The following LMLN variants were observed in gnomAD, a reference collection of about 807,000 sequenced individuals.
The protein encoded by LMLN is leishmanolysin-like peptidase.
In LMLN, 70 loss-of-function variants were observed where a neutral mutation model predicts 92.3. The ratio of observed to expected loss-of-function variants is 0.76; its 90% CI spans 0.63 to 0.92. The LOEUF (loss-of-function observed/expected upper bound fraction) is 0.92, where lower values mean the gene tolerates loss of function less well. LMLN is among the 40% of genes least tolerant of loss of function. LMLN has a pLI of 0.00. For missense variants in LMLN, 691 were observed against 814.6 expected, an observed-to-expected ratio of 0.85 and a Z score of 1.85; for synonymous variants, 308 against 296.2, an observed-to-expected ratio of 1.04 and a Z score of -0.41.
At chr3:197,986,151 G>A (rs1379244828) in intron 8 of LMLN, among the ~76,000 whole-genome samples, 5 of 152,146 alleles carry the variant, frequency 3.3e-5, no homozygotes, top group Non-Finnish European at 7.4e-5. Flanking sequence ...CTTGCATTGA[G>A]GATATTCCTC....
At chr3:197,989,298 T>C (rs1721801180) in intron 8 of LMLN, among the ~76,000 whole-genome samples, 1 of 152,222 alleles carries the variant, frequency 6.6e-6, no homozygotes. Flanking sequence ...TTTCCAAAGT[T>C]TAAGAAGTTG....
At chr3:198,029,217 T>C (rs768320637) in intron 14 of LMLN, among the ~76,000 whole-genome samples, 3 of 152,260 alleles carry the variant, frequency 2.0e-5, no homozygotes, top group Non-Finnish European at 4.4e-5. Context: ...TATTTTATTT[T>C]AGGTTTACCT....
intron 14 of LMLN, among the ~76,000 whole-genome samples, chr3:198,034,571 A>G (rs1254519174): frequency 6.6e-6 from 1 of 152,204 alleles, no homozygotes. Flanking sequence ...AGATCATGCC[A>G]CTGCACTCCA....
intron 11 of LMLN, among the ~76,000 whole-genome samples, chr3:198,008,928 G>C (rs1358700212): frequency 6.6e-6 from 1 of 152,000 alleles, no homozygotes; most frequent in Non-Finnish European, 1.5e-5. Flanking sequence ...TTAATTTCCA[G>C]CTATTTTGAG....
chr3:197,971,588 G>GT (rs1300991019), intron 1 of LMLN, among the ~76,000 whole-genome samples: 1 of 152,078 alleles, frequency 6.6e-6, no homozygotes, highest in African/African-American at 2.4e-5. Context: ...CCTGGTTGTT[G>GT]TTTGTTTGTT....
chr3:197,960,508 A>T (rs1357296376), intron 1 of LMLN, 68 bp downstream of exon 1: 2 of 1,442,422 alleles, frequency 1.4e-6, no homozygotes, highest in African/African-American at 2.8e-5. Flanking sequence ...GGCGTAGGAG[A>T]TAGTGACTGG....
chr3:198,001,538 C>T (rs1160948709), intron 11 of LMLN, among the ~76,000 whole-genome samples: 1 of 152,156 alleles, frequency 6.6e-6, no homozygotes, highest in East Asian at 1.9e-4. Flanking sequence ...TGCTAGTGCA[C>T]AACATTAGGG....
intron 11 of LMLN, 52 bp downstream of exon 12, chr3:198,003,177 T>G (rs1392309937): frequency 9.4e-7 from 1 of 1,064,056 alleles, no homozygotes; most frequent in East Asian, 2.6e-5. Flanking sequence ...CCTTTCTGAC[T>G]TTATTCTTTA....
At chr3:197,999,141 T>G (rs138775434) in intron 10 of LMLN, 125 bp from the exon 11 acceptor site, 56 of 697,830 alleles carry the variant, frequency 8.0e-5, no homozygotes, top group African/African-American at 7.2e-4. Context: ...TTCACCACTT[T>G]TAAGTGAATG....
At chr3:198,038,521 T>C (rs772159030) in intron 15 of LMLN, 46 bp from the exon 17 acceptor site, 1 of 1,321,840 alleles carries the variant, frequency 7.6e-7, no homozygotes, top group Admixed American at 1.7e-5. Context: ...GTATGATTTA[T>C]CCCAAAATTG....
At chr3:197,977,192 C>A (rs116159396) in intron 5 of LMLN, among the ~76,000 whole-genome samples, 1,833 of 152,182 alleles carry the variant, frequency 0.012, 15 homozygotes, top group Non-Finnish European at 0.017. Flanking sequence ...GGTATAACCA[C>A]GTAGTAGAAT....
At chr3:197,963,201 CTTT>C (rs59827521) in intron 1 of LMLN, among the ~76,000 whole-genome samples, 2 of 144,088 alleles carry the variant, frequency 1.4e-5, no homozygotes, top group Non-Finnish European at 3.0e-5. Context: ...TTTTCTCTCT[CTTT>C]TTTTTTTTTG....
At chr3:197,971,405 G>C (rs1721221208) in intron 1 of LMLN, among the ~76,000 whole-genome samples, 1 of 152,126 alleles carries the variant, frequency 6.6e-6, no homozygotes, top group Non-Finnish European at 1.5e-5. Flanking sequence ...GAACAGCATG[G>C]GGAAACACCC....
chr3:197,982,661 T>C (rs1721593445), intron 6 of LMLN, among the ~76,000 whole-genome samples: 3 of 152,370 alleles, frequency 2.0e-5, no homozygotes, highest in African/African-American at 4.8e-5. Context: ...ATGGAACTTA[T>C]GAATTGCAGA....
chr3:198,036,237 G>A (rs926064518), intron 15 of LMLN, among the ~76,000 whole-genome samples, 194 bp downstream of exon 16: 3 of 152,196 alleles, frequency 2.0e-5, no homozygotes, highest in Non-Finnish European at 4.4e-5. Context: ...ACACTTTTGA[G>A]TAAGAGCAAG....
At chr3:198,040,316 G>A (rs1010013705) in exon 16 of LMLN, 5 of 152,138 alleles carry the variant, frequency 3.3e-5, no homozygotes, top group African/African-American at 1.2e-4. Flanking sequence ...CACTCCTCCT[G>A]TTACTACATA....
intron 1 of LMLN, among the ~76,000 whole-genome samples, chr3:197,971,441 T>C (rs1163679882): frequency 6.6e-6 from 1 of 152,212 alleles, no homozygotes; most frequent in Non-Finnish European, 1.5e-5. Context: ...CTCCTTCCCT[T>C]GACATGTGGG....
chr3:197,990,038 C>CTTATTTTATT (rs201995486), intron 8 of LMLN, among the ~76,000 whole-genome samples: 8 of 151,588 alleles, frequency 5.3e-5, no homozygotes, highest in African/African-American at 1.5e-4. Flanking sequence ...CCATGCCTGG[C>CTTATTTTATT]TTATTTTATT....
chr3:197,975,584 G>A (rs1391642597), intron 3 of LMLN, among the ~76,000 whole-genome samples: 1 of 152,028 alleles, frequency 6.6e-6, no homozygotes, highest in African/African-American at 2.4e-5. Flanking sequence ...AGAAATTGAT[G>A]ACTTTAATTA....
Sources: allele counts gnomAD v4.1 joint callset (sites outside exome capture counted in the v4.1 genomes callset), GRCh38; gene constraint gnomAD v4.1.1; transcripts MANE v1.5; gene names NCBI Gene and HGNC (gene_info 2026-07-23, HGNC 2026-07-21).